Variants in CELSR3 observed in about 807,000 individuals in gnomAD.
The protein encoded by CELSR3 is EGF-like protein 1.
A neutral mutation model predicts 270.0 loss-of-function variants in CELSR3; 73 were observed. The ratio of observed to expected loss-of-function variants is 0.27; its 90% CI spans 0.22 to 0.33. CELSR3 has a LOEUF of 0.33. Ranked by LOEUF, CELSR3 falls within the 10% of genes least tolerant of loss-of-function variation. CELSR3 has a pLI of 1.00. For synonymous variants in CELSR3, 1,780 were observed against 1,905.4 expected (o/e 0.93, Z 1.71); for missense variants, 3,614 against 4,533.8 (o/e 0.80, Z 5.83).
chr3:48,639,816 C>T lies in CELSR3; in HGVS notation c.9769G>A (p.Ala3257Thr). Residue 3257 changes from alanine (A) to threonine (T), a missense_variant, in exon 34 of 35, where the codon GCC becomes ACC. Ala to Thr is a moderately conservative substitution (Grantham distance 58). This residue lies in a region of CELSR3 where 1,240 missense variants were observed against 1,351.7 expected (regional missense o/e 0.92). Transcript: ENST00000164024. This position sits in a 1 kb window ranked among gnomAD's most constrained non-coding sequence, Gnocchi z 4.1. ...CTTGAAGATTGCACAGAGGAGAGGG[C>T]CGAGGAGTTGAAAGAGGCAAGGATG... ...SSILASFNSS[A>T]LSSVQSSSTP... 1 of 1,613,832 alleles carries T rather than the reference C, an allele frequency of 6.2e-7. No individual in the cohort carries two copies. Among genetic ancestry groups the T allele is most frequent in the East Asian group, 2.2e-5 (1 of 44,886 alleles).
In CELSR3 at chr3:48,659,054, C is replaced by A. The variant is rs758290257; in HGVS notation, c.3581G>T (p.Arg1194Leu). ...GACATCGGGGTCATAAGCTGGGATG[C>A]GCCCAATAATGCCCGACGGGAAGGT... is the stretch of plus-strand genomic sequence containing the variant. ...SDTFPSGIIG[R>L]IPAYDPDVSD... The change falls in exon 1 of 35, where the codon CGC (arginine) becomes CTC (leucine). Residue 1194 changes from arginine to leucine, a missense_variant. Arg to Leu is a moderately radical substitution (Grantham distance 102, BLOSUM62 -2). This residue lies in a region of CELSR3 where 1,331 missense variants were observed against 1,933.7 expected (regional missense o/e 0.69). Transcript: ENST00000164024. This position sits in a 1 kb window ranked among gnomAD's most constrained non-coding sequence, Gnocchi z 8.1. 6.2e-6 allele frequency: 10 copies of A among 1,614,030 alleles called. No individual in the cohort carries two copies. In the Admixed American group the frequency reaches 1.2e-4, roughly 19 times the overall value.
In CELSR3 at chr3:48,655,977, G is replaced by A. The variant is rs2047177088; in HGVS notation, c.4626-126C>T. 1.8e-6 allele frequency: 2 copies of A among 1,116,812 alleles called. No individual in the cohort carries two copies. The highest frequency in any genetic ancestry group is 1.3e-6 in the Non-Finnish European group (1 of 770,094). 69.2% of individuals were successfully genotyped at this position (1,116,812 alleles called of 1,614,324 possible). A position where few individuals can be genotyped will look rare whatever the true frequency, so the allele number is the denominator to read the frequency against. ...GGAAGCGACGAGGGACGGCGGGACC[G>A]ACCGGGGGGACGCGGGTGCAGCGAG... On this transcript the variant is annotated intron_variant, in intron 3 of 34. Transcript: ENST00000164024. The surrounding 1 kb of genome is among the most constrained non-coding windows in gnomAD (Gnocchi z 5.8).
rs2106721236 is a variant in CELSR3, at chr3:48,659,401, C to G, written c.3234G>C (p.Glu1078Asp). ...PAEEFEVRVK[E>D]NSIVGSVVAQ... ...CCACCACTGAGCCCACAATGCTATT[C>G]TCTTTCACCCGCACCTCAAACTCCT... is the stretch of plus-strand genomic sequence containing the variant. The change falls in exon 1 of 35, where the codon GAG (glutamate) becomes GAC (aspartate). Residue 1078 changes from glutamate to aspartate, a missense_variant. Glu to Asp is a conservative substitution (Grantham distance 45, BLOSUM62 2). Around this residue, in one of 7 missense-constraint regions of CELSR3, gnomAD observed 1,331 missense variants for 1,933.7 expected, o/e 0.69. Transcript: ENST00000164024. The surrounding 1 kb of genome is among the most constrained non-coding windows in gnomAD (Gnocchi z 8.1). The G allele has an allele frequency of 1.2e-6, 2 of 1,614,222 alleles. No individual in the cohort carries two copies. The highest frequency in any genetic ancestry group is 1.7e-6 in the Non-Finnish European group (2 of 1,180,046).
chr3:48,643,878 G>A (rs913468802), intron 27 of CELSR3: 1 of 630,228 alleles, frequency 1.6e-6, no homozygotes, highest in East Asian at 2.8e-5. Context: ...AGAGCCATGA[G>A]GACACGTGGG....
In CELSR3 at chr3:48,658,519, G is replaced by A. The variant is rs564166026; in HGVS notation, c.3748+368C>T. 2.0e-5 allele frequency among the ~76,000 whole-genome samples: 3 copies of A among 152,254 alleles called. No homozygotes were observed. Among genetic ancestry groups the A allele is most frequent in the East Asian group, 1.9e-4 (1 of 5,180 alleles). ...CAGACTGGACCCAAAGTAACCCTTC[G>A]TCTGAACATGGGCATAGTGTGGACT... On this transcript the variant is annotated intron_variant, in intron 1 of 34. Transcript: ENST00000164024. This position sits in a 1 kb window ranked among gnomAD's most constrained non-coding sequence, Gnocchi z 4.7.
In CELSR3 at chr3:48,639,598, C is replaced by T. The variant is rs1575536854; in HGVS notation, c.9911+76G>A. ...TGCCAGCCCTCATCCCCTTCTGTGG[C>T]AGAACACAGGGCAGGGCACACAGGA... is the stretch of plus-strand genomic sequence containing the variant. On this transcript the variant is annotated intron_variant, in intron 34 of 34. Transcript: ENST00000164024. This position sits in a 1 kb window ranked among gnomAD's most constrained non-coding sequence, Gnocchi z 4.1. 10 of 1,557,090 alleles carry T rather than the reference C, an allele frequency of 6.4e-6. No homozygotes were observed. The highest frequency in any genetic ancestry group is 8.7e-6 in the Non-Finnish European group (10 of 1,146,182).
At position 48,651,805 on chromosome 3, in the gene CELSR3, G is replaced by T. The variant is rs191182099; in HGVS notation, c.5923+72C>A. The T allele has an allele frequency of 1.9e-6, 3 of 1,544,094 alleles. No homozygotes were observed. The East Asian group carries it at 6.8e-5, about 35-fold the overall frequency. On this transcript the variant is annotated intron_variant, in intron 12 of 34. Coordinates refer to ENST00000164024, the MANE Select transcript of CELSR3 (RefSeq NM_001407.3). The surrounding 1 kb of genome is among the most constrained non-coding windows in gnomAD (Gnocchi z 7.4). The stretch of plus-strand genomic sequence containing the variant: ...CGTCCCGAGTCCCTGCCTCCTTCAG[G>T]TTCCCCAGTCTTCATCATGGGCCCC...
Position 48,653,280 on chromosome 3 carries a change from G to T in CELSR3, c.5449-93C>A. On this transcript the variant is annotated intron_variant, in intron 9 of 34. Coordinates refer to ENST00000164024, the MANE Select transcript of CELSR3 (RefSeq NM_001407.3). The surrounding 1 kb of genome is among the most constrained non-coding windows in gnomAD (Gnocchi z 6.5). The stretch of plus-strand genomic sequence containing the variant: ...GAGGGCTCAGAGGTCAGGAATATCA[G>T]AGGTCAGAACAGTGGGGTCAAGGTT... The T allele has an allele frequency of 8.2e-7, 1 of 1,214,294 alleles. No individual in the cohort carries two copies. The allele number at this position is 1,214,294 out of a possible 1,614,324, so 75.2% of individuals were successfully genotyped here. A position where few individuals can be genotyped will look rare whatever the true frequency, so the allele number is the denominator to read the frequency against.
rs1559475622 is a variant in CELSR3, at chr3:48,641,965, T to A, written c.8710A>T (p.Arg2904Trp). The A allele has an allele frequency of 6.3e-7, 1 of 1,588,916 alleles. No homozygotes were observed. The highest frequency in any genetic ancestry group is 1.9e-5 in the Admixed American group (1 of 53,414). ...SDSDLSLEEE[R>W]SLSIPSSESE... Reference sequence around the variant, plus strand: ...TCTGAAGATGGAATGGAGAGACTCCTCTCCTCCTCCAAGGACAGGTCACTG... The same window carrying A: ...TCTGAAGATGGAATGGAGAGACTCCACTCCTCCTCCAAGGACAGGTCACTG... Residue 2904 changes from arginine (R) to tryptophan (W), a missense_variant, in exon 32 of 35, where the codon AGG (arginine) becomes TGG (tryptophan). Physicochemically the swap from Arg to Trp is moderately radical, Grantham distance 101 (BLOSUM62 -3). Transcript: ENST00000164024. The surrounding 1 kb of genome is among the most constrained non-coding windows in gnomAD (Gnocchi z 4.8).
chr3:48,656,054 TGCCAGGACGGGGCA>T lies in CELSR3; in HGVS notation c.4625+72_4625+85del, dbSNP rs576928227. 1,443 of 1,294,198 alleles carry T rather than the reference TGCCAGGACGGGGCA, an allele frequency of 1.1e-3. 16 individuals carry two copies. In the African/African-American group the frequency reaches 0.021, roughly 19 times the overall value. The allele number at this position is 1,294,198 out of a possible 1,614,324, so 80.2% of individuals were successfully genotyped here. A position where few individuals can be genotyped will look rare whatever the true frequency, so the allele number is the denominator to read the frequency against. On this transcript the variant is annotated intron_variant, in intron 3 of 34. Transcript: ENST00000164024. The stretch of plus-strand genomic sequence containing the variant: ...GGGGAGGGGCGGTGTCTCATGGGGA[TGCCAGGACGGGGCA>T]GTCAGGAATCTGAGTCAGGGCGGGT...
chr3:48,641,911 G>T lies in CELSR3; in HGVS notation c.8764C>A (p.Arg2922Ser), dbSNP rs1325146260. 1 of 1,590,868 alleles carries T rather than the reference G, an allele frequency of 6.3e-7. No individual in the cohort carries two copies. Among genetic ancestry groups the T allele is most frequent in the South Asian group, 1.1e-5 (1 of 87,630 alleles). ...ESEDNGRTRGRFQRPLCRAAQ... is the reference protein window; with the variant it reads ...ESEDNGRTRGSFQRPLCRAAQ... Reference sequence around the variant, plus strand: ...GCTCGGCAGAGTGGCCGTTGGAAGCGCCCCCGCGTCCGGCCATTGTCCTCG... The same window carrying T: ...GCTCGGCAGAGTGGCCGTTGGAAGCTCCCCCGCGTCCGGCCATTGTCCTCG... The change falls in exon 32 of 35, where the codon CGC becomes AGC. Residue 2922 changes from arginine (R) to serine (S), a missense_variant. This residue lies in a region of CELSR3 where 1,240 missense variants were observed against 1,351.7 expected (regional missense o/e 0.92). Transcript: ENST00000164024. This position sits in a 1 kb window ranked among gnomAD's most constrained non-coding sequence, Gnocchi z 4.8.
Position 48,640,577 on chromosome 3 carries a change from TG to T in CELSR3, c.9026-19del. The stretch of plus-strand genomic sequence containing the variant: ...CAGGATGCCTGTGAGAGGAAGAAAA[TG>T]GGGGGCAGGGTTTGTGTGGGAGGGG... On this transcript the variant is annotated intron_variant, in intron 33 of 34. Coordinates refer to ENST00000164024, the MANE Select transcript of CELSR3 (RefSeq NM_001407.3). This position sits in a 1 kb window ranked among gnomAD's most constrained non-coding sequence, Gnocchi z 7.5. The T allele has an allele frequency of 7.3e-7, 1 of 1,376,042 alleles. No homozygotes were observed. Among genetic ancestry groups the T allele is most frequent in the Non-Finnish European group, 9.5e-7 (1 of 1,049,188 alleles). The allele number at this position is 1,376,042 out of a possible 1,614,324, so 85.2% of individuals were successfully genotyped here.
Position 48,639,158 on chromosome 3 carries a change from TC to T in CELSR3, c.9911+515del, listed in dbSNP as rs1448535060. Among the ~76,000 whole-genome samples the T allele has an allele frequency of 1.3e-5, 2 of 152,240 alleles. No individual in the cohort carries two copies. Among genetic ancestry groups the T allele is most frequent in the East Asian group, 3.9e-4 (2 of 5,170 alleles). On this transcript the variant is annotated intron_variant, in intron 34 of 34. Transcript: ENST00000164024. The surrounding 1 kb of genome is among the most constrained non-coding windows in gnomAD (Gnocchi z 4.1). ...TTCCTGTGAGCCCCACCCCAAAGTG[TC>T]CACAGACAGGAGGAACTCAATGTTG...
rs757360789 is a variant in CELSR3 at position 48,642,748 on chromosome 3, C to T, written c.8543G>A (p.Arg2848His). Residue 2848 changes from arginine (R) to histidine (H), a missense_variant, in exon 30 of 35, where the codon CGC (arginine) becomes CAC (histidine). Arg to His is a conservative substitution (Grantham distance 29). Coordinates refer to ENST00000164024, the MANE Select transcript of CELSR3 (RefSeq NM_001407.3). This position sits in a 1 kb window ranked among gnomAD's most constrained non-coding sequence, Gnocchi z 6.1. ...RTQDQDSQRGRSYLRDNVLVR... is the reference protein window; with the variant it reads ...RTQDQDSQRGHSYLRDNVLVR... ...CTCTTCCTCTCACCTGAGGTAGCTG[C>T]GGCCCCGCTGGCTGTCCTGGTCCTG... is the stretch of plus-strand genomic sequence containing the variant. The T allele has an allele frequency of 1.7e-5, 28 of 1,610,448 alleles. No homozygotes were observed. The highest frequency in any genetic ancestry group is 2.2e-5 in the East Asian group (1 of 44,902).
At chr3:48,656,656 T>C (rs1196430312) in intron 2 of CELSR3, 42 bp downstream of exon 2, 3 of 1,450,320 alleles carry the variant, frequency 2.1e-6, no homozygotes, top group Non-Finnish European at 2.7e-6. Flanking sequence ...CCCCCAGCCT[T>C]GGCCCGTGCT....
In CELSR3 at chr3:48,661,752, G is replaced by C. The variant is rs1358651586; in HGVS notation, c.883C>G (p.Pro295Ala). The C allele has an allele frequency of 1.3e-6, 2 of 1,584,860 alleles. No homozygotes were observed. The highest frequency in any genetic ancestry group is 1.4e-5 in the African/African-American group (1 of 73,932). Residue 295 changes from proline (P) to alanine (A), a missense_variant, in exon 1 of 35, where the codon CCC (proline) becomes GCC (alanine). Pro to Ala is a conservative substitution (Grantham distance 27). Around this residue, in one of 7 missense-constraint regions of CELSR3, gnomAD observed 470 missense variants for 469.7 expected, o/e 1.00. Transcript: ENST00000164024. ...RFLPQRPGPR[P>A]PGLPARPEAR... ...TCAGGACGGGCCGGGAGTCCCGGGGGACGCGGCCCGGGGCGCTGCGGGAGG... is the reference window on the plus strand; with the variant it reads ...TCAGGACGGGCCGGGAGTCCCGGGGCACGCGGCCCGGGGCGCTGCGGGAGG...
rs2106697750 is a variant in CELSR3 at position 48,641,420 on chromosome 3, C to G, written c.8929G>C (p.Asp2977His). The G allele has an allele frequency of 6.2e-7, 1 of 1,612,536 alleles. No homozygotes were observed. The highest frequency in any genetic ancestry group is 2.2e-5 in the East Asian group (1 of 44,868). The change falls in exon 33 of 35, where the codon GAC becomes CAC. Residue 2977 changes from aspartate to histidine, a missense_variant. This residue lies in a region of CELSR3 where 1,240 missense variants were observed against 1,351.7 expected (regional missense o/e 0.92). Coordinates refer to ENST00000164024, the MANE Select transcript of CELSR3 (RefSeq NM_001407.3). The surrounding 1 kb of genome is among the most constrained non-coding windows in gnomAD (Gnocchi z 4.8). ...TWGSERRLGL[D>H]TSKDAANNNQ... ...TTGTTAGCTGCATCCTTGCTGGTGTCCAGCCCCAGGCGCCTTTCAGAGCCC... is the reference window on the plus strand; with the variant it reads ...TTGTTAGCTGCATCCTTGCTGGTGTGCAGCCCCAGGCGCCTTTCAGAGCCC...
chr3:48,651,216 G>A lies in CELSR3; in HGVS notation c.6187-141C>T, dbSNP rs1485414569. On this transcript the variant is annotated intron_variant, in intron 14 of 34. Transcript: ENST00000164024. This position sits in a 1 kb window ranked among gnomAD's most constrained non-coding sequence, Gnocchi z 7.4. ...TGCGTGAAGCCAAGGGAGGGGTCAC[G>A]GGTAAAGGATGAGAGACAGCAACTT... 58 of 1,467,872 alleles carry A rather than the reference G, an allele frequency of 4.0e-5. 1 individual carries two copies. The Middle Eastern group carries it at 5.6e-4, about 14-fold the overall frequency. 90.9% of individuals were successfully genotyped at this position (1,467,872 alleles called of 1,614,324 possible). A position where few individuals can be genotyped will look rare whatever the true frequency, so the allele number is the denominator to read the frequency against.
Position 48,655,194 on chromosome 3 carries a change from G to T in CELSR3, c.4838C>A (p.Thr1613Lys). Residue 1613 changes from threonine to lysine, a missense_variant, in exon 6 of 35, where the codon ACA becomes AAA. Coordinates refer to ENST00000164024, the MANE Select transcript of CELSR3 (RefSeq NM_001407.3). The surrounding 1 kb of genome is among the most constrained non-coding windows in gnomAD (Gnocchi z 5.8). Reference protein sequence around the residue: ...VHLRYYNKPRTDALGGAQGPS... With the variant: ...VHLRYYNKPRKDALGGAQGPS... ...GCCCTGTGCACCCCCTAGGGCATCT[G>T]TCCGGGGCTGAAGACGCAGGCACAC... 1 of 1,613,984 alleles carries T rather than the reference G, an allele frequency of 6.2e-7. No individual in the cohort carries two copies. Among genetic ancestry groups the T allele is most frequent in the Non-Finnish European group, 8.5e-7 (1 of 1,179,930 alleles).
Sources: gnomAD v4.1 joint callset for allele counts (sites outside exome capture counted in the v4.1 genomes callset) on GRCh38, gnomAD v4.1.1 for gene constraint, gnomAD v4.1.1 regional missense constraint, Gnocchi (gnomAD v3.1) non-coding constraint, MANE v1.5 for transcripts, NCBI Gene and HGNC (gene_info 2026-07-23, HGNC 2026-07-21) for gene names.